CPAMD8: variants seen among roughly 807,000 people sequenced by gnomAD.
The protein encoded by CPAMD8 is C3 and PZP like alpha-2-macroglobulin domain containing 8.
CPAMD8 carries 146 observed loss-of-function variants against 224.7 expected under a neutral mutation model. The observed-to-expected ratio is 0.65, with a 90% CI of 0.57 to 0.75. The LOEUF is 0.75. Among genes scored for constraint, CPAMD8 ranks in the 30% least tolerant of loss-of-function variants. The pLI, the probability that CPAMD8 is intolerant of heterozygous loss-of-function variation, is 0.00. For synonymous variants in CPAMD8, 966 were observed against 1,044.6 expected (o/e 0.92, Z 1.45); for missense variants, 2,301 against 2,537.5 (o/e 0.91, Z 2.00).
chr19:16,949,868 C>A (rs552747686), intron 20 of CPAMD8, among the ~76,000 whole-genome samples: 2 of 152,218 alleles, frequency 1.3e-5, no homozygotes, highest in Admixed American at 6.5e-5. Context: ...CACCCGTAGA[C>A]ATTGATTCTA....
At chr19:16,935,053 T>C (rs1385420868) in intron 23 of CPAMD8, among the ~76,000 whole-genome samples, 1 of 152,230 alleles carries the variant, frequency 6.6e-6, no homozygotes, top group Non-Finnish European at 1.5e-5. Flanking sequence ...AAGTGCCTCA[T>C]ATAAGTGGAA....
At chr19:17,014,306 G>C (rs984160581) in intron 3 of CPAMD8, among the ~76,000 whole-genome samples, 1 of 152,020 alleles carries the variant, frequency 6.6e-6, no homozygotes, top group African/African-American at 2.4e-5. Flanking sequence ...TGATCCTCCC[G>C]ACTCAGCCTC....
chr19:17,008,367 C>G, intron 7 of CPAMD8, 138 bp downstream of exon 7: 1 of 1,093,038 alleles, frequency 9.1e-7, no homozygotes, highest in Non-Finnish European at 1.3e-6. Flanking sequence ...GGGTACCTGC[C>G]CTCCGCTCCT....
intron 18 of CPAMD8, among the ~76,000 whole-genome samples, chr19:16,962,536 A>G (rs1441798619): frequency 2.0e-5 from 3 of 152,224 alleles, no homozygotes; most frequent in Non-Finnish European, 4.4e-5. Context: ...GAAATATGGG[A>G]CTATGTGAAA....
At chr19:16,937,906 GC>G (rs1246013342) in intron 23 of CPAMD8, among the ~76,000 whole-genome samples, 1 of 152,154 alleles carries the variant, frequency 6.6e-6, no homozygotes, top group East Asian at 1.9e-4. Context: ...ACCCGCCTCG[GC>G]CTCCCAGAGT....
In CPAMD8 at chr19:17,002,309, T is replaced by C. The variant is rs370553991; in HGVS notation, c.715A>G (p.Ile239Val). 4 of 1,606,796 alleles carry C rather than the reference T, an allele frequency of 2.5e-6. No individual in the cohort carries two copies. The highest frequency in any genetic ancestry group is 3.4e-6 in the Non-Finnish European group (4 of 1,175,908). Residue 239 changes from isoleucine to valine, a missense_variant, in exon 9 of 42, where the codon ATC (isoleucine) becomes GTC (valine). By Grantham distance (29) the Ile-to-Val change is conservative (BLOSUM62 3). Transcript: ENST00000443236. ...FELLIDPPRYIQDLDACETGT... is the reference protein window; with the variant it reads ...FELLIDPPRYVQDLDACETGT... ...GTCTCACAGGCGTCCAGGTCTTGGA[T>C]ATACCGGGGCGGGTCAATCAGAAGC...
chr19:16,906,387 TTTCTTTCTTTCTTTCTTTCTTTCC>T (rs1283564411), intron 30 of CPAMD8, among the ~76,000 whole-genome samples: 813 of 77,912 alleles, frequency 0.01, 2 homozygotes, highest in Middle Eastern at 0.022. Flanking sequence ...TCTTTCTTTC[TTTCTTTCTTTCTTTCTTTCTTTCC>T]TTCCTTCCTT....
intron 22 of CPAMD8, among the ~76,000 whole-genome samples, chr19:16,942,609 G>T (rs73525496): frequency 0.02 from 3,012 of 152,258 alleles, 36 homozygotes; most frequent in Middle Eastern, 0.027. Context: ...CAAATCCAGG[G>T]GCCCCTCATG....
intron 22 of CPAMD8, among the ~76,000 whole-genome samples, chr19:16,940,824 G>A (rs1255564998): frequency 6.6e-6 from 1 of 152,228 alleles, no homozygotes; most frequent in East Asian, 1.9e-4. Context: ...GAAGGCCCCA[G>A]AAGCATTGCT....
intron 41 of CPAMD8, chr19:16,894,661 C>T: frequency 2.9e-6 from 1 of 346,642 alleles, no homozygotes; most frequent in Non-Finnish European, 5.8e-6. Context: ...CTCTGGGTGT[C>T]CATGTGCGGT....
intron 27 of CPAMD8, among the ~76,000 whole-genome samples, chr19:16,921,056 G>A (rs562296714): frequency 6.6e-6 from 1 of 152,152 alleles, no homozygotes; most frequent in Admixed American, 6.5e-5. Flanking sequence ...GCAAGGCAGG[G>A]CCCTGGGACT....
At chr19:16,938,490 G>A (rs369092124) in intron 22 of CPAMD8, 44 bp from the exon 23 acceptor site, 129 of 1,207,146 alleles carry the variant, frequency 1.1e-4, no homozygotes, top group Non-Finnish European at 1.4e-4. Flanking sequence ...GGGCGGTGAG[G>A]GGGATGGTCA....
At chr19:16,989,863 C>T (rs1053646629) in intron 12 of CPAMD8, 92 bp from the exon 13 acceptor site, 19 of 1,228,452 alleles carry the variant, frequency 1.5e-5, no homozygotes, top group Non-Finnish European at 2.2e-5. Context: ...CCAGAAGAAA[C>T]ACCCTCTCAT....
intron 29 of CPAMD8, among the ~76,000 whole-genome samples, chr19:16,909,004 C>T (rs759126150): frequency 1.2e-4 from 19 of 152,150 alleles, no homozygotes; most frequent in African/African-American, 3.4e-4. Context: ...CAGATCCTCC[C>T]GTTTACAGAC....
intron 7 of CPAMD8, among the ~76,000 whole-genome samples, chr19:17,007,282 C>T (rs1198682843): frequency 3.3e-5 from 5 of 150,938 alleles, no homozygotes; most frequent in African/African-American, 7.3e-5. Flanking sequence ...GGCAGTGAGC[C>T]GACATCGTGC....
At chr19:16,895,698 A>G in intron 41 of CPAMD8, 1 of 347,200 alleles carries the variant, frequency 2.9e-6, no homozygotes, top group Non-Finnish European at 5.8e-6. Context: ...CCAAAATCCA[A>G]GTCTTTTTGA....
chr19:16,925,371 C>T lies in CPAMD8; in HGVS notation c.3372G>A (p.Gly1124=), dbSNP rs1302812409. Residue 1124 remains glycine (G), a splice_region_variant and synonymous_variant, in exon 26 of 42, where the codon GGG becomes GGA. Coordinates refer to ENST00000443236, the MANE Select transcript of CPAMD8 (RefSeq NM_015692.5). ...GSERATASII[G]DVMGPTLNHL... is the part of the protein sequence containing the mutation. Reference sequence around the variant, plus strand: ...GGTTCAGGGTTGGCCCCATGACGTCCCCTGGTGGGAAGGAGAAGAGAGTTG... The same window carrying T: ...GGTTCAGGGTTGGCCCCATGACGTCTCCTGGTGGGAAGGAGAAGAGAGTTG... 9.9e-6 allele frequency: 16 copies of T among 1,613,338 alleles called. No homozygotes were observed. Among genetic ancestry groups the T allele is most frequent in the Non-Finnish European group, 1.3e-5 (15 of 1,179,516 alleles).
At chr19:16,936,604 A>T (rs1309770342) in intron 23 of CPAMD8, among the ~76,000 whole-genome samples, 1 of 151,780 alleles carries the variant, frequency 6.6e-6, no homozygotes. Context: ...ATGGAGTTTC[A>T]CCGTGCTGGT....
intron 12 of CPAMD8, among the ~76,000 whole-genome samples, chr19:16,991,075 A>T (rs1458185036): frequency 6.7e-6 from 1 of 149,394 alleles, no homozygotes; most frequent in African/African-American, 2.5e-5. Context: ...CCAATGATTT[A>T]ATCAATCATG....
Sources: gnomAD v4.1 joint callset for allele counts (sites outside exome capture counted in the v4.1 genomes callset) on GRCh38, gnomAD v4.1.1 for gene constraint, MANE v1.5 for transcripts, NCBI Gene and HGNC (gene_info 2026-07-23, HGNC 2026-07-21) for gene names.